The following LRMDA variants were observed in gnomAD, a reference collection of about 807,000 sequenced individuals.
LRMDA encodes leucine rich melanocyte differentiation associated.
A neutral mutation model predicts 29.8 loss-of-function variants in LRMDA; 18 were observed. That is an observed-to-expected ratio of 0.60 (90% CI 0.42 to 0.90). The LOEUF is 0.90. Ranked by LOEUF, LRMDA falls within the 40% of genes least tolerant of loss-of-function variation. The probability of loss-of-function intolerance (pLI) is 0.00; values close to 1 mark genes in which losing one functional copy is unlikely to be tolerated. For synonymous variants in LRMDA, 125 were observed against 109.4 expected (o/e 1.14, Z -0.89); for missense variants, 273 against 273.9 (o/e 1.00, Z 0.02).
chr10:76,127,424 C>T (rs899087789), intron 5 of LRMDA, among the ~76,000 whole-genome samples: 2 of 152,216 alleles, frequency 1.3e-5, no homozygotes, highest in African/African-American at 4.8e-5. Flanking sequence ...AGATGCATGG[C>T]AGGGCACTTC....
intron 2 of LRMDA, among the ~76,000 whole-genome samples, chr10:76,029,327 T>G (rs368109278): frequency 6.6e-6 from 1 of 152,118 alleles, no homozygotes; most frequent in African/African-American, 2.4e-5. Context: ...AGTATATAAA[T>G]AAATGAAATA....
At chr10:75,934,170 G>T (rs1199658603) in intron 2 of LRMDA, among the ~76,000 whole-genome samples, 2 of 152,194 alleles carry the variant, frequency 1.3e-5, no homozygotes, top group Non-Finnish European at 2.9e-5. Flanking sequence ...AGTGAAATAT[G>T]AGTGAATGCC....
intron 2 of LRMDA, among the ~76,000 whole-genome samples, chr10:75,839,085 A>C (rs1234347570): frequency 6.6e-6 from 1 of 152,246 alleles, no homozygotes; most frequent in Non-Finnish European, 1.5e-5. Context: ...TATTTTTAAC[A>C]AATGAAAAAT....
chr10:75,857,210 A>C (rs1564588088), intron 2 of LRMDA, among the ~76,000 whole-genome samples: 1 of 152,230 alleles, frequency 6.6e-6, no homozygotes, highest in Non-Finnish European at 1.5e-5. Flanking sequence ...ATTGTTGGGC[A>C]CATAGGTAGG....
At chr10:76,419,729 A>G (rs1223200369) in intron 6 of LRMDA, among the ~76,000 whole-genome samples, 1 of 152,054 alleles carries the variant, frequency 6.6e-6, no homozygotes, top group Non-Finnish European at 1.5e-5. Context: ...ATCTTCTTTG[A>G]TAAAGTGTCT....
At chr10:76,394,845 C>T (rs1240567397) in intron 6 of LRMDA, among the ~76,000 whole-genome samples, 1 of 152,100 alleles carries the variant, frequency 6.6e-6, no homozygotes, top group Admixed American at 6.5e-5. Flanking sequence ...TGGAAGGGCA[C>T]CAGGGTTTAA....
intron 6 of LRMDA, among the ~76,000 whole-genome samples, chr10:76,399,337 G>C (rs1841823383): frequency 6.6e-6 from 1 of 152,178 alleles, no homozygotes; most frequent in African/African-American, 2.4e-5. Context: ...CAGACTCGCA[G>C]ACATACTAAA....
At chr10:75,751,310 A>C (rs1307350717) in intron 2 of LRMDA, among the ~76,000 whole-genome samples, 1 of 148,226 alleles carries the variant, frequency 6.7e-6, no homozygotes, top group Non-Finnish European at 1.5e-5. Context: ...CTGTGGAGAG[A>C]GAGGGAGAGG....
rs551918966 is a variant in LRMDA, at chr10:75,563,262, C to T, written c.131+124768C>T. ...TCTTTTTTCTCTAAACTTCCCTTCT[C>T]GCTTCATTTCATTCATTTCATCTTC... On this transcript the variant is annotated intron_variant, in intron 2 of 6. Coordinates refer to ENST00000611255, the MANE Select transcript of LRMDA (RefSeq NM_001305581.2). 2.4e-4 allele frequency among the ~76,000 whole-genome samples: 36 copies of T among 152,200 alleles called. No homozygotes were observed. In the East Asian group the frequency reaches 3.5e-3, roughly 15 times the overall value.
At chr10:75,592,751 A>T (rs982324338) in intron 2 of LRMDA, among the ~76,000 whole-genome samples, 5 of 152,200 alleles carry the variant, frequency 3.3e-5, no homozygotes, top group Non-Finnish European at 7.3e-5. Context: ...AAAATTGAGG[A>T]TGGTTTTTCA....
At chr10:76,446,664 A>G (rs1230911704) in intron 6 of LRMDA, among the ~76,000 whole-genome samples, 1 of 152,172 alleles carries the variant, frequency 6.6e-6, no homozygotes, top group East Asian at 1.9e-4. Context: ...GTACAAAGTG[A>G]GCTATGTAAT....
intron 5 of LRMDA, among the ~76,000 whole-genome samples, chr10:76,101,107 G>A (rs939080144): frequency 6.6e-6 from 1 of 152,068 alleles, no homozygotes; most frequent in Admixed American, 6.5e-5. Flanking sequence ...TATTGCATGA[G>A]TGATATTCTC....
At chr10:76,135,111 CA>C (rs1241897647) in intron 5 of LRMDA, among the ~76,000 whole-genome samples, 1 of 152,132 alleles carries the variant, frequency 6.6e-6, no homozygotes, top group Non-Finnish European at 1.5e-5. Context: ...ATCATGATAT[CA>C]AATGTTTTTA....
intron 2 of LRMDA, among the ~76,000 whole-genome samples, chr10:75,676,679 T>G (rs2132148655): frequency 6.6e-6 from 1 of 152,320 alleles, no homozygotes; most frequent in South Asian, 2.1e-4. Flanking sequence ...GGCCACCCAC[T>G]CTAGCTTCTT....
intron 5 of LRMDA, among the ~76,000 whole-genome samples, chr10:76,112,558 G>A (rs1849598598): frequency 6.6e-6 from 1 of 152,242 alleles, no homozygotes; most frequent in African/African-American, 2.4e-5. Flanking sequence ...TCAGGGGGAA[G>A]GTCTCCCAGG....
chr10:76,253,918 T>A (rs889890966), intron 5 of LRMDA, among the ~76,000 whole-genome samples: 2 of 152,282 alleles, frequency 1.3e-5, no homozygotes, highest in Admixed American at 6.5e-5. Flanking sequence ...CACTCATCAG[T>A]CTAGCCCAAG....
chr10:76,526,138 G>T (rs1843172132), intron 6 of LRMDA, among the ~76,000 whole-genome samples: 1 of 152,146 alleles, frequency 6.6e-6, no homozygotes, highest in African/African-American at 2.4e-5. Context: ...TGTGTTCTGT[G>T]GTCTAGGGAA....
At chr10:75,446,151 T>C (rs1484614150) in intron 2 of LRMDA, among the ~76,000 whole-genome samples, 2 of 152,266 alleles carry the variant, frequency 1.3e-5, no homozygotes, top group Non-Finnish European at 2.9e-5. Flanking sequence ...AGAGCTGGGC[T>C]GTTAACTTGC....
chr10:75,943,437 C>G (rs1195967943), intron 2 of LRMDA, among the ~76,000 whole-genome samples: 1 of 152,110 alleles, frequency 6.6e-6, no homozygotes, highest in East Asian at 1.9e-4. Flanking sequence ...AGGTACACAG[C>G]CAGAAATAAT....
Sources: gnomAD v4.1 joint callset for allele counts (sites outside exome capture counted in the v4.1 genomes callset) on GRCh38, gnomAD v4.1.1 for gene constraint, MANE v1.5 for transcripts, NCBI Gene and HGNC (gene_info 2026-07-23, HGNC 2026-07-21) for gene names.